Variants in RBFOX1 observed in about 807,000 individuals in gnomAD.
The protein encoded by RBFOX1 is RNA binding protein fox-1 homolog 1.
Under a neutral mutation model 57.7 loss-of-function variants are expected in RBFOX1, and 8 were observed. That is an observed-to-expected ratio of 0.14 (90% CI 0.08 to 0.25). The LOEUF (loss-of-function observed/expected upper bound fraction) is 0.25. RBFOX1 is among the 10% of genes least tolerant of loss of function. RBFOX1 has a pLI of 1.00. For missense variants in RBFOX1, 611 were observed against 548.5 expected (o/e 1.11, Z -1.14); for synonymous variants, 326 against 222.4 (o/e 1.47, Z -4.15).
At chr16:7,432,710 A>G (rs961578566) in intron 4 of RBFOX1, among the ~76,000 whole-genome samples, 1 of 152,188 alleles carries the variant, frequency 6.6e-6, no homozygotes, top group Non-Finnish European at 1.5e-5. Context: ...AATCTGGCCT[A>G]TGGGCCATAG....
chr16:6,320,476 C>G (rs192592966), intron 2 of RBFOX1, among the ~76,000 whole-genome samples: 1 of 151,690 alleles, frequency 6.6e-6, no homozygotes, highest in African/African-American at 2.4e-5. Context: ...CACCTGTACC[C>G]CTAAAAGTAT....
intron 5 of RBFOX1, among the ~76,000 whole-genome samples, chr16:7,555,623 T>C (rs749834564): frequency 6.6e-6 from 1 of 152,120 alleles, no homozygotes; most frequent in South Asian, 2.1e-4. Flanking sequence ...TCTGACGTCA[T>C]CTCCTTTTCT....
chr16:5,760,496 A>G (rs1431931510), intron 3 of RBFOX1, among the ~76,000 whole-genome samples: 1 of 152,176 alleles, frequency 6.6e-6, no homozygotes, highest in East Asian at 1.9e-4. Flanking sequence ...TAATGTTGTG[A>G]AAAGAACCCC....
intron 3 of RBFOX1, among the ~76,000 whole-genome samples, chr16:6,779,561 G>T (rs929432974): frequency 3.3e-5 from 5 of 149,370 alleles, no homozygotes; most frequent in Non-Finnish European, 7.4e-5. Flanking sequence ...TTATGTTAGT[G>T]TTAGTTTTAG....
chr16:7,660,787 C>T (rs995753987), intron 12 of RBFOX1, among the ~76,000 whole-genome samples: 3 of 152,178 alleles, frequency 2.0e-5, no homozygotes, highest in Non-Finnish European at 2.9e-5. Flanking sequence ...GCATGGGGCC[C>T]AGCCATCTGT....
At chr16:5,386,737 C>G (rs898955627) in intron 1 of RBFOX1, among the ~76,000 whole-genome samples, 2 of 152,154 alleles carry the variant, frequency 1.3e-5, no homozygotes, top group Non-Finnish European at 2.9e-5. Context: ...GCCTCTGTAG[C>G]TCACCAGCCG....
intron 3 of RBFOX1, among the ~76,000 whole-genome samples, chr16:7,047,385 T>TTTTG (rs1280615412): frequency 6.6e-5 from 10 of 152,150 alleles, no homozygotes; most frequent in Non-Finnish European, 5.9e-5. Context: ...CTCTCTGGAT[T>TTTTG]TTTGTTTGTT....
chr16:6,464,348 A>C (rs1007386743), intron 2 of RBFOX1, among the ~76,000 whole-genome samples: 6 of 152,208 alleles, frequency 3.9e-5, no homozygotes, highest in Admixed American at 2.0e-4. Context: ...TTTATCAGCA[A>C]TGCTTTTTTA....
At chr16:6,060,962 G>A (rs1220060478) in intron 1 of RBFOX1, among the ~76,000 whole-genome samples, 1 of 152,178 alleles carries the variant, frequency 6.6e-6, no homozygotes, top group Non-Finnish European at 1.5e-5. Flanking sequence ...ACCCAGCCCT[G>A]CCTACTGCAG....
chr16:5,631,401 A>G (rs1172517815), intron 3 of RBFOX1, among the ~76,000 whole-genome samples: 4 of 152,146 alleles, frequency 2.6e-5, no homozygotes, highest in South Asian at 4.1e-4. Flanking sequence ...TATTAAAAAT[A>G]CAAAAATTAG....
intron 3 of RBFOX1, among the ~76,000 whole-genome samples, chr16:5,788,935 G>C (rs2054600003): frequency 6.6e-6 from 1 of 152,178 alleles, no homozygotes; most frequent in South Asian, 2.1e-4. Flanking sequence ...CAGGAAGATA[G>C]AAGCCTCTTT....
chr16:5,952,629 T>C (rs1335531789), intron 4 of RBFOX1, among the ~76,000 whole-genome samples: 1 of 152,220 alleles, frequency 6.6e-6, no homozygotes, highest in Non-Finnish European at 1.5e-5. Flanking sequence ...CATTATATTC[T>C]TCATCTGTAT....
At chr16:6,020,698 C>T (rs1437873178) in intron 1 of RBFOX1, among the ~76,000 whole-genome samples, 1 of 147,080 alleles carries the variant, frequency 6.8e-6, no homozygotes, top group Admixed American at 6.7e-5. Context: ...TTGTGCAGGC[C>T]AGGGGGGGGC....
intron 3 of RBFOX1, among the ~76,000 whole-genome samples, chr16:7,027,217 G>T (rs989196213): frequency 6.6e-6 from 1 of 152,064 alleles, no homozygotes; most frequent in Admixed American, 6.5e-5. Context: ...CCAGCGCACA[G>T]AAAAAACTCA....
chr16:6,283,226 C>A (rs1020915784), intron 1 of RBFOX1, among the ~76,000 whole-genome samples: 1 of 152,114 alleles, frequency 6.6e-6, no homozygotes, highest in African/African-American at 2.4e-5. Context: ...ACTTGGGAGG[C>A]TGAGGTGGGA....
chr16:6,100,149 G>T (rs111344986), intron 1 of RBFOX1, among the ~76,000 whole-genome samples: 2,363 of 151,128 alleles, frequency 0.016, 57 homozygotes, highest in African/African-American at 0.049. Flanking sequence ...TGTTTTTTTT[G>T]TTGTTGTTTT....
At chr16:7,264,380 C>T (rs945052271) in intron 4 of RBFOX1, among the ~76,000 whole-genome samples, 5 of 152,188 alleles carry the variant, frequency 3.3e-5, no homozygotes, top group Admixed American at 2.0e-4. Context: ...AGGTGCAAAG[C>T]AGACCCAGTC....
intron 1 of RBFOX1, among the ~76,000 whole-genome samples, chr16:5,403,892 G>C (rs1045665348): frequency 6.6e-6 from 1 of 152,098 alleles, no homozygotes; most frequent in Non-Finnish European, 1.5e-5. Flanking sequence ...TAGTCATAAG[G>C]GAAAGAGTAA....
intron 2 of RBFOX1, among the ~76,000 whole-genome samples, chr16:5,558,435 G>C (rs1236448570): frequency 1.3e-5 from 2 of 152,066 alleles, no homozygotes; most frequent in African/African-American, 4.8e-5. Flanking sequence ...GGAGACTGAA[G>C]GAGCGAGCCA....
Sources: gnomAD v4.1 joint callset for allele counts (sites outside exome capture counted in the v4.1 genomes callset) on GRCh38, gnomAD v4.1.1 for gene constraint, MANE v1.5 for transcripts, NCBI Gene and HGNC (gene_info 2026-07-23, HGNC 2026-07-21) for gene names.